SYNPO2: variants seen among roughly 807,000 people sequenced by gnomAD.
The protein encoded by SYNPO2 is synaptopodin-2.
SYNPO2 carries 56 observed loss-of-function variants against 85.0 expected under a neutral mutation model. That is an observed-to-expected ratio of 0.66 (90% CI 0.53 to 0.82). The LOEUF (loss-of-function observed/expected upper bound fraction) is 0.82. Among genes scored for constraint, SYNPO2 ranks in the 40% least tolerant of loss-of-function variants. The probability of loss-of-function intolerance (pLI) is 0.00; values close to 1 mark genes in which losing one functional copy is unlikely to be tolerated. For synonymous variants in SYNPO2, 602 were observed against 591.1 expected, an observed-to-expected ratio of 1.02 and a Z score of -0.27; for missense variants, 1,575 against 1,534.2, an observed-to-expected ratio of 1.03 and a Z score of -0.44.
chr4:118,876,290 C>A (rs887420449), intron 1 of SYNPO2, among the ~76,000 whole-genome samples: 1 of 152,208 alleles, frequency 6.6e-6, no homozygotes, highest in Non-Finnish European at 1.5e-5. Flanking sequence ...TCCCACTCTT[C>A]CTGCTTTTCA....
At chr4:118,893,977 A>G (rs950374991) in intron 1 of SYNPO2, among the ~76,000 whole-genome samples, 3 of 151,782 alleles carry the variant, frequency 2.0e-5, no homozygotes, top group Non-Finnish European at 4.4e-5. Flanking sequence ...CCCATAATAC[A>G]TGCAACTATT....
At chr4:118,873,661 C>G (rs1167696704) in intron 1 of SYNPO2, among the ~76,000 whole-genome samples, 1 of 152,014 alleles carries the variant, frequency 6.6e-6, no homozygotes, top group Non-Finnish European at 1.5e-5. Flanking sequence ...TGTGTGTTCG[C>G]TTTATTTATT....
intron 1 of SYNPO2, among the ~76,000 whole-genome samples, chr4:118,883,342 G>A (rs1272479972): frequency 6.6e-6 from 1 of 152,146 alleles, no homozygotes; most frequent in African/African-American, 2.4e-5. Flanking sequence ...GGAAAGTAAT[G>A]ATGTTTTTTG....
intron 2 of SYNPO2, among the ~76,000 whole-genome samples, chr4:119,026,358 T>A (rs992319491): frequency 2.0e-5 from 3 of 152,200 alleles, no homozygotes; most frequent in East Asian, 1.9e-4. Context: ...TGTAGTTTTT[T>A]AAAAATAAAA....
intron 1 of SYNPO2, among the ~76,000 whole-genome samples, chr4:119,016,862 G>A (rs1002949359): frequency 1.4e-4 from 21 of 152,176 alleles, no homozygotes; most frequent in Middle Eastern, 3.2e-3. Context: ...ACTTTGGTAT[G>A]AAGATTCTTA....
chr4:118,884,611 G>A (rs2149111300), upstream of SYNPO2, among the ~76,000 whole-genome samples: 1 of 152,266 alleles, frequency 6.6e-6, no homozygotes, highest in East Asian at 1.9e-4. Flanking sequence ...TAGGGAGGTG[G>A]CCACTACCTA....
intron 1 of SYNPO2, among the ~76,000 whole-genome samples, chr4:118,975,802 C>T (rs1735702156): frequency 6.6e-6 from 1 of 152,216 alleles, no homozygotes; most frequent in Non-Finnish European, 1.5e-5. Flanking sequence ...AGAATATGTG[C>T]TCCACAGCCT....
At chr4:118,876,722 TTTCTTTCTTTC>T (rs1427959762) in intron 1 of SYNPO2, among the ~76,000 whole-genome samples, 28 of 144,314 alleles carry the variant, frequency 1.9e-4, no homozygotes, top group East Asian at 4.1e-4. Context: ...TCTTTCTTTC[TTTCTTTCTTTC>T]TTTCTGCCTT....
intron 4 of SYNPO2, chr4:119,034,963 T>G: frequency 1.0e-6 from 1 of 985,452 alleles, no homozygotes; most frequent in Non-Finnish European, 1.2e-6. Context: ...TTTGTTTAGT[T>G]TTTAGGACTT....
intron 1 of SYNPO2, among the ~76,000 whole-genome samples, chr4:118,883,050 C>T (rs1732136975): frequency 1.3e-5 from 2 of 150,656 alleles, no homozygotes; most frequent in South Asian, 2.1e-4. Flanking sequence ...CATGAGCCAC[C>T]GCGCCCCGCC....
chr4:118,907,969 T>G (rs967406323), intron 1 of SYNPO2, among the ~76,000 whole-genome samples: 24 of 152,184 alleles, frequency 1.6e-4, no homozygotes, highest in African/African-American at 5.5e-4. Flanking sequence ...ACATCATAAT[T>G]TTTAATGGCT....
At chr4:118,894,787 C>T (rs529931366) in intron 1 of SYNPO2, among the ~76,000 whole-genome samples, 1 of 151,756 alleles carries the variant, frequency 6.6e-6, no homozygotes, top group Admixed American at 6.6e-5. Context: ...AACTATACAT[C>T]TACCTAATAG....
intron 4 of SYNPO2, chr4:119,034,562 C>T (rs1738424443): frequency 1.3e-5 from 13 of 985,426 alleles, no homozygotes; most frequent in Non-Finnish European, 1.6e-5. Context: ...GTAAAAGCAT[C>T]TACAACTTCA....
At chr4:119,024,980 T>A (rs1157750448) in intron 2 of SYNPO2, among the ~76,000 whole-genome samples, 2 of 152,222 alleles carry the variant, frequency 1.3e-5, no homozygotes, top group Non-Finnish European at 1.5e-5. Flanking sequence ...AATAAGATTT[T>A]AAAAATTCTA....
intron 1 of SYNPO2, among the ~76,000 whole-genome samples, chr4:118,997,645 C>T (rs1736669971): frequency 6.6e-6 from 1 of 152,218 alleles, no homozygotes; most frequent in African/African-American, 2.4e-5. Context: ...GATGCCTGCT[C>T]TGCTCACCTC....
chr4:119,036,922 A>C, intron 4 of SYNPO2: 1 of 1,198,942 alleles, frequency 8.3e-7, no homozygotes, highest in Non-Finnish European at 1.0e-6. Context: ...AATAAAGTGC[A>C]TCCCAAGTAT....
rs13117365 is a variant in SYNPO2 at position 118,976,787 on chromosome 4, G to A, written c.106-46643G>A. ...AACCTTGAGCTAGATACAGAATGCC[G>A]ATTGGTGTATTTACAATACTTGAGC... is the stretch of plus-strand genomic sequence containing the variant. On this transcript the variant is annotated intron_variant, in intron 1 of 4. Transcript: ENST00000307142. Among the ~76,000 whole-genome samples, 1,427 of 151,478 alleles carry A rather than the reference G, an allele frequency of 9.4e-3. 24 individuals are homozygous for A. Among genetic ancestry groups the A allele is most frequent in the African/African-American group, 0.032 (1,341 of 41,282 alleles).
chr4:119,012,874 G>C (rs1737380062), intron 1 of SYNPO2, among the ~76,000 whole-genome samples: 1 of 152,022 alleles, frequency 6.6e-6, no homozygotes, highest in Non-Finnish European at 1.5e-5. Context: ...AGCATTTTCT[G>C]GTTTCTGTCA....
intron 1 of SYNPO2, among the ~76,000 whole-genome samples, chr4:118,879,489 T>TG (rs1486724413): frequency 2.0e-5 from 3 of 152,148 alleles, no homozygotes; most frequent in Non-Finnish European, 4.4e-5. Context: ...ACAAGAGAGA[T>TG]GATCTTTCTC....
Sources: allele counts gnomAD v4.1 joint callset (sites outside exome capture counted in the v4.1 genomes callset), GRCh38; gene constraint gnomAD v4.1.1; transcripts MANE v1.5; gene names NCBI Gene and HGNC (gene_info 2026-07-23, HGNC 2026-07-21).